Variants in ZFPM2 observed in about 807,000 individuals in gnomAD.
The protein encoded by ZFPM2 is zinc finger protein ZFPM2.
ZFPM2 carries 20 observed loss-of-function variants against 98.6 expected under a neutral mutation model. The ratio of observed to expected loss-of-function variants is 0.20; its 90% CI spans 0.14 to 0.29. The LOEUF is 0.29. Among genes scored for constraint, ZFPM2 ranks in the 10% least tolerant of loss-of-function variants. The probability of loss-of-function intolerance (pLI) is 1.00; values close to 1 mark genes in which losing one functional copy is unlikely to be tolerated. For synonymous variants in ZFPM2, 518 were observed against 502.7 expected, an observed-to-expected ratio of 1.03 and a Z score of -0.41; for missense variants, 1,310 against 1,388.6, an observed-to-expected ratio of 0.94 and a Z score of 0.90.
chr8:105,404,013 CAA>C (rs1811391782), intron 1 of ZFPM2, among the ~76,000 whole-genome samples: 1 of 151,066 alleles, frequency 6.6e-6, no homozygotes, highest in Admixed American at 6.6e-5. Flanking sequence ...ACAACAACAA[CAA>C]CAACAACAAC....
chr8:105,645,977 CG>C (rs1296086711), intron 5 of ZFPM2, among the ~76,000 whole-genome samples: 1 of 149,790 alleles, frequency 6.7e-6, no homozygotes, highest in African/African-American at 2.5e-5. Flanking sequence ...CGCTTGAACC[CG>C]GGAGGCAGAG....
At chr8:105,583,360 T>C (rs1454400181) in intron 4 of ZFPM2, among the ~76,000 whole-genome samples, 1 of 152,144 alleles carries the variant, frequency 6.6e-6, no homozygotes, top group African/African-American at 2.4e-5. Flanking sequence ...GGGTGATTGT[T>C]TTTGCATAAT....
At chr8:105,673,207 T>TTTTTA (rs398009231) in intron 5 of ZFPM2, among the ~76,000 whole-genome samples, 5 of 149,152 alleles carry the variant, frequency 3.4e-5, no homozygotes, top group East Asian at 1.9e-4. Context: ...TTTTTTTTTT[T>TTTTTA]ACCGATCGTA....
At chr8:105,398,054 TA>T (rs1554601129) in intron 1 of ZFPM2, among the ~76,000 whole-genome samples, 2 of 152,094 alleles carry the variant, frequency 1.3e-5, no homozygotes, top group East Asian at 1.9e-4. Flanking sequence ...ATGTATTTTT[TA>T]AAAAAATTAT....
At chr8:105,361,354 TG>T (rs1812857674) in intron 1 of ZFPM2, among the ~76,000 whole-genome samples, 1 of 149,638 alleles carries the variant, frequency 6.7e-6, no homozygotes, top group Non-Finnish European at 1.5e-5. Flanking sequence ...TTGAGTTCAT[TG>T]TAGATTCTGG....
rs1811982148 is a variant in ZFPM2, at chr8:105,429,683, A to G, written c.199+10381A>G. On this transcript the variant is annotated intron_variant, in intron 2 of 7. Transcript: ENST00000407775. ...TTTTAACGAGAAACAACAATTCTAC[A>G]AAAATGCAAAGTGATACCAAAAAAA... 4.1e-5 allele frequency among the ~76,000 whole-genome samples: 6 copies of G among 148,022 alleles called. 1 individual carries two copies. The South Asian group carries it at 1.1e-3, about 26-fold the overall frequency.
intron 3 of ZFPM2, among the ~76,000 whole-genome samples, chr8:105,464,797 ATGTC>A (rs889460172): frequency 6.6e-6 from 1 of 152,054 alleles, no homozygotes; most frequent in African/African-American, 2.4e-5. Context: ...TGGGCAAACA[ATGTC>A]TGTGATCTGT....
chr8:105,621,832 A>G (rs1194638026), intron 4 of ZFPM2, among the ~76,000 whole-genome samples: 1 of 152,130 alleles, frequency 6.6e-6, no homozygotes, highest in Non-Finnish European at 1.5e-5. Context: ...TTAAAATTGT[A>G]AAACGATTAT....
chr8:105,408,682 A>AT (rs61304474), intron 1 of ZFPM2, among the ~76,000 whole-genome samples: 2,596 of 150,116 alleles, frequency 0.017, 64 homozygotes, highest in African/African-American at 0.06. Flanking sequence ...TTATGTGAGG[A>AT]TTTTTTTTTT....
chr8:105,520,558 G>T (rs1814030820), intron 3 of ZFPM2, among the ~76,000 whole-genome samples: 2 of 152,036 alleles, frequency 1.3e-5, no homozygotes, highest in African/African-American at 2.4e-5. Flanking sequence ...ATTTATATAT[G>T]TATAGATGAC....
chr8:105,423,771 T>C (rs1381060096), intron 2 of ZFPM2, among the ~76,000 whole-genome samples: 1 of 152,194 alleles, frequency 6.6e-6, no homozygotes, highest in Non-Finnish European at 1.5e-5. Context: ...TGTAGTTATG[T>C]CACTACTGGC....
chr8:105,792,083 A>G (rs1294936026), intron 6 of ZFPM2, among the ~76,000 whole-genome samples: 4 of 151,632 alleles, frequency 2.6e-5, no homozygotes, highest in Non-Finnish European at 2.9e-5. Flanking sequence ...TTGTGTCTCT[A>G]TTTCCTTCAG....
At chr8:105,431,625 G>C (rs1250001993) in intron 2 of ZFPM2, among the ~76,000 whole-genome samples, 3 of 152,042 alleles carry the variant, frequency 2.0e-5, no homozygotes, top group Non-Finnish European at 4.4e-5. Flanking sequence ...GTAAGAATGC[G>C]ACACTTGGCC....
chr8:105,398,091 A>C (rs1474120368), intron 1 of ZFPM2, among the ~76,000 whole-genome samples: 1 of 152,194 alleles, frequency 6.6e-6, no homozygotes, highest in Non-Finnish European at 1.5e-5. Flanking sequence ...ACTCAGCAAA[A>C]GTATAGGATG....
intron 4 of ZFPM2, among the ~76,000 whole-genome samples, chr8:105,615,352 C>T (rs1039503519): frequency 2.4e-4 from 37 of 152,012 alleles, no homozygotes; most frequent in African/African-American, 3.1e-4. Flanking sequence ...ATGTCAAGGA[C>T]AGAGCAAACT....
intron 3 of ZFPM2, among the ~76,000 whole-genome samples, chr8:105,486,266 AC>A (rs1334154140): frequency 2.0e-5 from 3 of 152,088 alleles, no homozygotes; most frequent in Non-Finnish European, 4.4e-5. Context: ...ATGATGCGTG[AC>A]TTTTCTTAAT....
At position 105,737,986 on chromosome 8, in the gene ZFPM2, A is replaced by G. The variant is rs560141096; in HGVS notation, c.533-50732A>G. Among the ~76,000 whole-genome samples the G allele has an allele frequency of 6.5e-4, 99 of 152,000 alleles. 1 individual carries two copies. In the East Asian group the frequency reaches 8.2e-3, roughly 13 times the overall value. On this transcript the variant is annotated intron_variant, in intron 5 of 7. Transcript: ENST00000407775. ...TAACCAAGAACCTAAAAAGATGAGG[A>G]AAAAAAAGCAGCTAAGTTTTTTTGA...
chr8:105,637,093 A>G (rs910916541), intron 5 of ZFPM2, among the ~76,000 whole-genome samples: 15 of 152,292 alleles, frequency 9.8e-5, no homozygotes, highest in African/African-American at 3.6e-4. Context: ...AAGCTTCAAA[A>G]CAACTCAATG....
intron 1 of ZFPM2, among the ~76,000 whole-genome samples, chr8:105,372,284 C>G (rs1810639015): frequency 6.6e-6 from 1 of 151,892 alleles, no homozygotes; most frequent in African/African-American, 2.4e-5. Flanking sequence ...CTTCGTGATC[C>G]ACCTGCCTCG....
Sources: allele counts gnomAD v4.1 joint callset (sites outside exome capture counted in the v4.1 genomes callset), GRCh38; gene constraint gnomAD v4.1.1; transcripts MANE v1.5; gene names NCBI Gene and HGNC (gene_info 2026-07-23, HGNC 2026-07-21).